Variants in CMSS1 observed in about 807,000 individuals in gnomAD.
CMSS1 encodes the protein cms1 ribosomal small subunit homolog, also known as protein CMSS1.
Under a neutral mutation model 43.5 loss-of-function variants are expected in CMSS1, and 33 were observed. The ratio of observed to expected loss-of-function variants is 0.76; its 90% CI spans 0.57 to 1.01. The LOEUF (loss-of-function observed/expected upper bound fraction) is 1.01. Ranked by LOEUF, CMSS1 falls within the 50% of genes least tolerant of loss-of-function variation. The pLI is 0.00. For synonymous variants in CMSS1, 115 were observed against 117.2 expected (o/e 0.98, Z 0.12); for missense variants, 313 against 326.4 (o/e 0.96, Z 0.32).
At chr3:100,176,805 G>A (rs973037964) in intron 9 of CMSS1, among the ~76,000 whole-genome samples, 6 of 152,142 alleles carry the variant, frequency 3.9e-5, no homozygotes, top group Admixed American at 2.6e-4. Context: ...GTACAAACTT[G>A]CCTCTGCCAG....
At chr3:99,983,522 A>C (rs1443601166) in intron 1 of CMSS1, among the ~76,000 whole-genome samples, 2 of 128,550 alleles carry the variant, frequency 1.6e-5, no homozygotes, top group Admixed American at 8.3e-5. Context: ...ATATATATAC[A>C]CACACAAAAA....
At chr3:100,115,073 G>T in intron 1 of CMSS1, 1 of 1,033,516 alleles carries the variant, frequency 9.7e-7, no homozygotes. Context: ...ACTTAGGATT[G>T]CTAAAATTTG....
intron 1 of CMSS1, among the ~76,000 whole-genome samples, chr3:100,107,234 A>T (rs1202568471): frequency 6.6e-6 from 1 of 152,170 alleles, no homozygotes; most frequent in African/African-American, 2.4e-5. Flanking sequence ...AACTGTCCAG[A>T]TGTAGATGGG....
intron 1 of CMSS1, among the ~76,000 whole-genome samples, chr3:99,860,460 T>TCTCA (rs1944189288): frequency 6.6e-6 from 1 of 152,046 alleles, no homozygotes; most frequent in Non-Finnish European, 1.5e-5. Flanking sequence ...TTGAGGCAAA[T>TCTCA]CTCACTCTTT....
chr3:100,114,368 A>T (rs931120618), intron 1 of CMSS1: 2 of 152,254 alleles, frequency 1.3e-5, no homozygotes, highest in African/African-American at 4.8e-5. Flanking sequence ...CTTACCCCAC[A>T]GCTTGCCAGT....
At chr3:99,821,283 A>G (rs1424598680) in intron 1 of CMSS1, among the ~76,000 whole-genome samples, 1 of 152,236 alleles carries the variant, frequency 6.6e-6, no homozygotes, top group Non-Finnish European at 1.5e-5. Context: ...GTTACCTGCT[A>G]CAGAGTATGT....
chr3:100,108,647 C>T (rs1241624923), intron 1 of CMSS1, among the ~76,000 whole-genome samples: 1 of 151,758 alleles, frequency 6.6e-6, no homozygotes, highest in East Asian at 1.9e-4. Context: ...TATCTAGATG[C>T]TACTGTGTTA....
chr3:99,867,217 C>T (rs1200320460), intron 1 of CMSS1, among the ~76,000 whole-genome samples: 2 of 152,138 alleles, frequency 1.3e-5, no homozygotes, highest in Non-Finnish European at 2.9e-5. Context: ...GGGTCTGCTG[C>T]TTATACTGTC....
intron 1 of CMSS1, among the ~76,000 whole-genome samples, chr3:99,969,504 C>T (rs1004287424): frequency 4.6e-5 from 7 of 152,014 alleles, no homozygotes; most frequent in African/African-American, 9.7e-5. Context: ...CAGAAGTCTA[C>T]GTTTGAATTG....
Position 100,178,433 on chromosome 3 carries a change from A to G in CMSS1, c.*45A>G. On this transcript the variant is annotated 3_prime_UTR_variant, in exon 10 of 10. Transcript: ENST00000421999. ...TTCCAGTTTTCACAGTAGAAGTTGC[A>G]TCTTATTTAATGACTCTGATACATT... The G allele has an allele frequency of 8.3e-7, 1 of 1,200,652 alleles. No individual in the cohort carries two copies. Among genetic ancestry groups the G allele is most frequent in the South Asian group, 1.3e-5 (1 of 79,430 alleles). The allele number at this position is 1,200,652 out of a possible 1,614,324, so 74.4% of individuals were successfully genotyped here. A position where few individuals can be genotyped will look rare whatever the true frequency, so the allele number is the denominator to read the frequency against.
chr3:99,881,892 T>A (rs1305760524), intron 1 of CMSS1, among the ~76,000 whole-genome samples: 1 of 152,162 alleles, frequency 6.6e-6, no homozygotes, highest in Admixed American at 6.5e-5. Flanking sequence ...CCCATGTAGA[T>A]GTGGAGCTTG....
At chr3:100,084,710 A>G (rs1033893442) in intron 1 of CMSS1, among the ~76,000 whole-genome samples, 7 of 152,238 alleles carry the variant, frequency 4.6e-5, no homozygotes, top group African/African-American at 1.7e-4. Flanking sequence ...GATATTACAG[A>G]TCAACCTCAC....
intron 1 of CMSS1, among the ~76,000 whole-genome samples, chr3:100,045,796 T>C (rs1426670047): frequency 6.6e-6 from 1 of 152,224 alleles, no homozygotes; most frequent in Middle Eastern, 3.2e-3. Flanking sequence ...CTGTAACACA[T>C]TGCACATGTC....
chr3:99,971,066 G>A (rs910964313), intron 1 of CMSS1, among the ~76,000 whole-genome samples: 5 of 152,174 alleles, frequency 3.3e-5, no homozygotes, highest in Admixed American at 6.5e-5. Context: ...GGCTGGGCGT[G>A]GTGGCTCACG....
intron 1 of CMSS1, among the ~76,000 whole-genome samples, chr3:99,985,879 G>A (rs180905052): frequency 1.4e-4 from 22 of 152,218 alleles, no homozygotes; most frequent in Admixed American, 9.8e-4. Context: ...GTGAGCCACC[G>A]CACCGGGCCT....
intron 1 of CMSS1, among the ~76,000 whole-genome samples, chr3:100,109,406 G>A (rs2066450508): frequency 6.6e-6 from 1 of 152,112 alleles, no homozygotes; most frequent in Non-Finnish European, 1.5e-5. Flanking sequence ...ATGCAATCAT[G>A]TAACCACCAT....
At chr3:99,832,034 T>C (rs925353648) in intron 1 of CMSS1, among the ~76,000 whole-genome samples, 1 of 152,082 alleles carries the variant, frequency 6.6e-6, no homozygotes, top group Admixed American at 6.5e-5. Flanking sequence ...GTGAAGAAAA[T>C]GTGGCTTGGA....
At chr3:99,825,684 G>A (rs989721911) in intron 1 of CMSS1, among the ~76,000 whole-genome samples, 1 of 151,714 alleles carries the variant, frequency 6.6e-6, no homozygotes, top group African/African-American at 2.4e-5. Flanking sequence ...CATAAATGTG[G>A]AAGGCCTATA....
chr3:100,163,879 A>G (rs1222763747), intron 4 of CMSS1, among the ~76,000 whole-genome samples: 2 of 152,092 alleles, frequency 1.3e-5, no homozygotes, highest in African/African-American at 4.8e-5. Context: ...TGGAAAAAGT[A>G]GAGGGTGGCT....
Sources: gnomAD v4.1 joint callset for allele counts (sites outside exome capture counted in the v4.1 genomes callset) on GRCh38, gnomAD v4.1.1 for gene constraint, MANE v1.5 for transcripts, NCBI Gene and HGNC (gene_info 2026-07-23, HGNC 2026-07-21) for gene names.